Variants in DIP2C observed in about 807,000 individuals in gnomAD.
DIP2C encodes DIP2 acetate--CoA ligase C (putative).
In DIP2C, 33 loss-of-function variants were observed where a neutral mutation model predicts 192.4. The ratio of observed to expected loss-of-function variants is 0.17; its 90% CI spans 0.13 to 0.23. The LOEUF (loss-of-function observed/expected upper bound fraction) is 0.23, where lower values mean the gene tolerates loss of function less well. Among genes scored for constraint, DIP2C ranks in the 10% least tolerant of loss-of-function variants. The probability of loss-of-function intolerance (pLI) is 1.00; values close to 1 mark genes in which losing one functional copy is unlikely to be tolerated. For missense variants in DIP2C, 1,537 were observed against 2,110.1 expected (o/e 0.73, Z 5.32); for synonymous variants, 979 against 864.1 (o/e 1.13, Z -2.33).
chr10:597,411 G>C (rs528440605), intron 1 of DIP2C, among the ~76,000 whole-genome samples: 1 of 152,022 alleles, frequency 6.6e-6, no homozygotes, highest in Admixed American at 6.6e-5. Context: ...CCCTAGAAGT[G>C]GTCTTCAGAG....
At chr10:536,365 A>T (rs1332620902) in intron 1 of DIP2C, among the ~76,000 whole-genome samples, 2 of 151,128 alleles carry the variant, frequency 1.3e-5, no homozygotes, top group African/African-American at 4.8e-5. Context: ...TGTTCCCCAT[A>T]GGGACATCAC....
At chr10:618,782 G>A (rs1853644142) in intron 1 of DIP2C, among the ~76,000 whole-genome samples, 1 of 152,246 alleles carries the variant, frequency 6.6e-6, no homozygotes, top group African/African-American at 2.4e-5. Flanking sequence ...ACAGACACGT[G>A]CAGACCAGAG....
intron 1 of DIP2C, among the ~76,000 whole-genome samples, chr10:687,333 C>G (rs2119116614): frequency 6.6e-6 from 1 of 152,310 alleles, no homozygotes; most frequent in Non-Finnish European, 1.5e-5. Context: ...AGCACTACCC[C>G]CATAAACTCA....
intron 1 of DIP2C, among the ~76,000 whole-genome samples, chr10:584,986 A>C (rs1850925139): frequency 1.8e-5 from 2 of 111,612 alleles, no homozygotes; most frequent in Non-Finnish European, 3.6e-5. Context: ...CACGCGCATC[A>C]CCTCTCAGAT....
At chr10:598,351 C>T (rs1851842109) in intron 1 of DIP2C, among the ~76,000 whole-genome samples, 1 of 152,254 alleles carries the variant, frequency 6.6e-6, no homozygotes, top group African/African-American at 2.4e-5. Context: ...GAGACCCCTG[C>T]ATTGAGCACA....
At position 419,048 on chromosome 10, in the gene DIP2C, T is replaced by C. The variant is rs1965993405; in HGVS notation, c.739+17A>G. The stretch of plus-strand genomic sequence containing the variant: ...ACCGTTTACCAGAAAAAAACGCATC[T>C]CTCCTTTGGGACGTACCATCCCCGG... On this transcript the variant is annotated intron_variant, in intron 6 of 36. Coordinates refer to ENST00000280886, the MANE Select transcript of DIP2C (RefSeq NM_014974.3). 2 of 1,613,982 alleles carry C rather than the reference T, an allele frequency of 1.2e-6. No individual in the cohort carries two copies. The highest frequency in any genetic ancestry group is 1.7e-6 in the Non-Finnish European group (2 of 1,180,002).
rs964043266 is a variant in DIP2C, at chr10:651,665, C to T, written c.85+37829G>A. On this transcript the variant is annotated intron_variant, in intron 1 of 36. Transcript: ENST00000280886. The surrounding 1 kb of genome is among the most constrained non-coding windows in gnomAD (Gnocchi z 4.1). ...AACATTTATTTGAGTGAATTCACGT[C>T]CCCCAAATTTTCCGTATCCCAAAAT... The T allele has an allele frequency of 4.6e-5, 16 of 348,552 alleles. No individual in the cohort carries two copies. Among genetic ancestry groups the T allele is most frequent in the African/African-American group, 3.2e-4 (15 of 46,612 alleles). The allele number at this position is 348,552 out of a possible 1,614,324, so 21.6% of individuals were successfully genotyped here.
At chr10:413,773 C>T (rs775046724) in intron 8 of DIP2C, 140 bp downstream of exon 8, 7 of 1,021,468 alleles carry the variant, frequency 6.9e-6, no homozygotes, top group Admixed American at 2.9e-5. Context: ...GGAGTGGCTG[C>T]GCGAGGGCGT....
chr10:539,307 G>T (rs968592117), intron 1 of DIP2C, among the ~76,000 whole-genome samples: 1 of 151,532 alleles, frequency 6.6e-6, no homozygotes, highest in South Asian at 2.1e-4. Flanking sequence ...TATAGATCAA[G>T]AATATTTTTT....
intron 1 of DIP2C, among the ~76,000 whole-genome samples, chr10:562,169 CA>C (rs1212645742): frequency 2.0e-5 from 3 of 152,186 alleles, no homozygotes; most frequent in Non-Finnish European, 2.9e-5. Flanking sequence ...TTAAGGTTCC[CA>C]GTTACAGGCA....
At chr10:305,993 A>ATATATATATATATATG (rs958069491) in intron 32 of DIP2C, among the ~76,000 whole-genome samples, 59 of 142,770 alleles carry the variant, frequency 4.1e-4, no homozygotes, top group African/African-American at 1.4e-3. Context: ...ATATATATAT[A>ATATATATATATATATG]TTATATTTTT....
At chr10:532,544 T>TATGGGTGA (rs1554892908) in intron 1 of DIP2C, among the ~76,000 whole-genome samples, 2 of 113,402 alleles carry the variant, frequency 1.8e-5, no homozygotes, top group African/African-American at 3.8e-5. Flanking sequence ...AGTATGGGTG[T>TATGGGTGA]GAGAGAGTAT....
At chr10:453,051 G>A (rs751588407) in intron 3 of DIP2C, among the ~76,000 whole-genome samples, 1 of 152,252 alleles carries the variant, frequency 6.6e-6, no homozygotes, top group Non-Finnish European at 1.5e-5. Context: ...TGTGAGAAGA[G>A]CTCATAAGAT....
At chr10:324,826 G>A (rs1957194279) in intron 31 of DIP2C, 2 of 460,150 alleles carry the variant, frequency 4.3e-6, no homozygotes, top group South Asian at 3.2e-5. Context: ...CGCTTCAGAA[G>A]CCTTGTGGAA....
intron 2 of DIP2C, among the ~76,000 whole-genome samples, chr10:479,408 A>G (rs1210994366): frequency 1.4e-5 from 2 of 142,522 alleles, no homozygotes; most frequent in African/African-American, 2.6e-5. Flanking sequence ...ATCTCCACTC[A>G]CTGCAACATC....
intron 1 of DIP2C, among the ~76,000 whole-genome samples, chr10:519,390 G>C (rs964247738): frequency 6.6e-6 from 1 of 152,210 alleles, no homozygotes; most frequent in Non-Finnish European, 1.5e-5. Context: ...CTGAGTTTTC[G>C]AGGTTTCTGA....
chr10:414,142 G>C, intron 7 of DIP2C, 32 bp from the exon 8 acceptor site: 5 of 1,588,950 alleles, frequency 3.1e-6, no homozygotes, highest in African/African-American at 2.7e-5. Context: ...GGTTACAAGA[G>C]AAATGCATCC....
chr10:311,610 C>A (rs1956570079), intron 31 of DIP2C: 1 of 1,230,842 alleles, frequency 8.1e-7, no homozygotes, highest in Admixed American at 4.2e-5. Context: ...GGAGAGAACA[C>A]CAGACAACAG....
chr10:586,374 C>A (rs1851022428), intron 1 of DIP2C, among the ~76,000 whole-genome samples: 1 of 152,150 alleles, frequency 6.6e-6, no homozygotes, highest in African/African-American at 2.4e-5. Context: ...AGTTTTCCAC[C>A]CCACCACAAG....
Sources: gnomAD v4.1 joint callset for allele counts (sites outside exome capture counted in the v4.1 genomes callset) on GRCh38, gnomAD v4.1.1 for gene constraint, Gnocchi (gnomAD v3.1) non-coding constraint, MANE v1.5 for transcripts, NCBI Gene and HGNC (gene_info 2026-07-23, HGNC 2026-07-21) for gene names.